Variants in STT3B observed in about 807,000 individuals in gnomAD.
STT3B encodes STT3 oligosaccharyltransferase complex catalytic subunit B.
STT3B carries 29 observed loss-of-function variants against 96.8 expected under a neutral mutation model. That is an observed-to-expected ratio of 0.30 (90% CI 0.22 to 0.41). The LOEUF is 0.41. Ranked by LOEUF, STT3B falls within the 10% of genes least tolerant of loss-of-function variation. The pLI, the probability that STT3B is intolerant of heterozygous loss-of-function variation, is 1.00. For synonymous variants in STT3B, 367 were observed against 360.0 expected (o/e 1.02, Z -0.22); for missense variants, 640 against 1,022.3 (o/e 0.63, Z 5.10).
At chr3:31,559,337 T>G (rs997161918) in intron 1 of STT3B, among the ~76,000 whole-genome samples, 2 of 122,880 alleles carry the variant, frequency 1.6e-5, no homozygotes, top group African/African-American at 7.6e-5. Flanking sequence ...TAGGTGTTGT[T>G]TATTGCTATA....
At chr3:31,633,445 G>A (rs1699702512) in intron 15 of STT3B, among the ~76,000 whole-genome samples, 1 of 152,140 alleles carries the variant, frequency 6.6e-6, no homozygotes, top group Non-Finnish European at 1.5e-5. Context: ...TTCCAAACCT[G>A]TATGAAAGTA....
chr3:31,625,714 C>T (rs1699521682), intron 12 of STT3B, among the ~76,000 whole-genome samples: 1 of 152,122 alleles, frequency 6.6e-6, no homozygotes, highest in African/African-American at 2.4e-5. Flanking sequence ...TGTTATAGAA[C>T]TTAATTATTA....
intron 1 of STT3B, among the ~76,000 whole-genome samples, chr3:31,549,106 T>C (rs1697487646): frequency 6.6e-6 from 1 of 152,124 alleles, no homozygotes; most frequent in Non-Finnish European, 1.5e-5. Context: ...TTTTATTTGA[T>C]AGATGAGGAG....
intron 5 of STT3B, among the ~76,000 whole-genome samples, chr3:31,602,203 C>T (rs865830770): frequency 1.3e-5 from 2 of 152,046 alleles, no homozygotes; most frequent in Admixed American, 6.6e-5. Flanking sequence ...AACAAATAAC[C>T]GTACTGTTGA....
intron 3 of STT3B, among the ~76,000 whole-genome samples, chr3:31,586,848 T>G (rs1324968241): frequency 6.6e-6 from 1 of 152,152 alleles, no homozygotes; most frequent in Non-Finnish European, 1.5e-5. Flanking sequence ...TTGGCTTTTT[T>G]TAGCTGTTTG....
chr3:31,581,617 A>G (rs889921215), intron 3 of STT3B, among the ~76,000 whole-genome samples: 3 of 152,116 alleles, frequency 2.0e-5, no homozygotes, highest in African/African-American at 7.2e-5. Context: ...CTAAGGATTT[A>G]TGCATCTGTG....
Position 31,533,250 on chromosome 3 carries a change from C to A in STT3B, c.252C>A (p.Gly84=), listed in dbSNP as rs531581010. The A allele has an allele frequency of 2.0e-6, 3 of 1,512,466 alleles. No individual in the cohort carries two copies. Among genetic ancestry groups the A allele is most frequent in the Admixed American group, 2.1e-5 (1 of 47,078 alleles). 93.7% of individuals were successfully genotyped at this position (1,512,466 alleles called of 1,614,324 possible). ...TCCTCTTCCTGGCCTGGCTTGCCGG[C>A]TTCAGCTCGCGCCTCTTCGCCGTCA... ...FTILFLAWLA[G]FSSRLFAVIR... is the part of the protein sequence containing the mutation. Residue 84 remains glycine, a synonymous_variant, in exon 1 of 16, where the codon GGC becomes GGA. Transcript: ENST00000295770.
chr3:31,544,606 G>T (rs1168133826), intron 1 of STT3B, among the ~76,000 whole-genome samples: 1 of 152,112 alleles, frequency 6.6e-6, no homozygotes, highest in African/African-American at 2.4e-5. Flanking sequence ...ACAAATCTTT[G>T]TCCATCAGTG....
chr3:31,600,226 GTTC>G (rs1347546302), intron 4 of STT3B, 131 bp from the exon 5 acceptor site: 1 of 422,010 alleles, frequency 2.4e-6, no homozygotes, highest in African/African-American at 2.0e-5. Context: ...AGGTTAGTAA[GTTC>G]TTATTTAAGC....
At chr3:31,626,159 A>G (rs776647767) in intron 13 of STT3B, 32 bp downstream of exon 13, 60 of 1,579,730 alleles carry the variant, frequency 3.8e-5, no homozygotes, top group Non-Finnish European at 4.9e-5. Context: ...GGTATGTGAA[A>G]GATAGCTCAC....
intron 1 of STT3B, among the ~76,000 whole-genome samples, chr3:31,551,179 C>G (rs1043259238): frequency 6.6e-6 from 1 of 151,074 alleles, no homozygotes; most frequent in Non-Finnish European, 1.5e-5. Flanking sequence ...CCTTTATTTC[C>G]TGATTGTGGT....
At chr3:31,573,163 T>TA (rs1698197141) in intron 1 of STT3B, among the ~76,000 whole-genome samples, 1 of 152,110 alleles carries the variant, frequency 6.6e-6, no homozygotes, top group South Asian at 2.1e-4. Flanking sequence ...AGAGAGGTAA[T>TA]ACGGTGTGAG....
Position 31,636,662 on chromosome 3 carries a change from T to C in STT3B, c.*598T>C, listed in dbSNP as rs1699759967. On this transcript the variant is annotated 3_prime_UTR_variant, in exon 16 of 16. Transcript: ENST00000295770. ...TGAGAAGAAGCTGCTGTTTCAAAGA[T>C]GGACCTCTGAGTAGCTAATTGATTC... 6.6e-6 allele frequency: 1 copy of C among 152,238 alleles called. No individual in the cohort carries two copies. Among genetic ancestry groups the C allele is most frequent in the African/African-American group, 2.4e-5 (1 of 41,470 alleles). The allele number at this position is 152,238 out of a possible 1,614,324, so 9.4% of individuals were successfully genotyped here.
chr3:31,559,580 C>CT (rs1697817379), intron 1 of STT3B, among the ~76,000 whole-genome samples: 1 of 151,804 alleles, frequency 6.6e-6, no homozygotes, highest in South Asian at 2.1e-4. Context: ...GATATTGTTT[C>CT]TTTTTTAATT....
chr3:31,573,953 A>G (rs898700961), intron 1 of STT3B, among the ~76,000 whole-genome samples: 1 of 152,134 alleles, frequency 6.6e-6, no homozygotes, highest in Non-Finnish European at 1.5e-5. Context: ...CATTAAAGCC[A>G]AAGGAAGAAT....
At chr3:31,621,045 T>G (rs1310661477) in intron 9 of STT3B, among the ~76,000 whole-genome samples, 3 of 152,222 alleles carry the variant, frequency 2.0e-5, no homozygotes. Context: ...GAAGACATGT[T>G]TAAGAATGCA....
At chr3:31,591,975 T>C (rs1698674733) in intron 3 of STT3B, among the ~76,000 whole-genome samples, 1 of 152,204 alleles carries the variant, frequency 6.6e-6, no homozygotes, top group African/African-American at 2.4e-5. Context: ...AAAATTGACA[T>C]AACACAAAAT....
intron 1 of STT3B, among the ~76,000 whole-genome samples, chr3:31,568,512 C>T (rs905861783): frequency 1.3e-5 from 2 of 152,192 alleles, no homozygotes; most frequent in African/African-American, 4.8e-5. Flanking sequence ...CACATCTTAA[C>T]CAGCATTTGT....
At chr3:31,550,055 C>T (rs1210384701) in intron 1 of STT3B, among the ~76,000 whole-genome samples, 3 of 151,640 alleles carry the variant, frequency 2.0e-5, no homozygotes. Context: ...TTGTCAGTTG[C>T]TTTTTCTTTT....
Sources: gnomAD v4.1 joint callset for allele counts (sites outside exome capture counted in the v4.1 genomes callset) on GRCh38, gnomAD v4.1.1 for gene constraint, MANE v1.5 for transcripts, NCBI Gene and HGNC (gene_info 2026-07-23, HGNC 2026-07-21) for gene names.